The following SMARCAL1 variants were observed in gnomAD, a reference collection of about 807,000 sequenced individuals.
SMARCAL1 encodes SNF2 related chromatin remodeling annealing helicase 1, also known as ATP-driven annealing helicase.
SMARCAL1 carries 58 observed loss-of-function variants against 94.5 expected under a neutral mutation model. The ratio of observed to expected loss-of-function variants is 0.61; its 90% CI spans 0.50 to 0.76. The LOEUF (loss-of-function observed/expected upper bound fraction) is 0.76, where lower values mean the gene tolerates loss of function less well. Among genes scored for constraint, SMARCAL1 ranks in the 30% least tolerant of loss-of-function variants. SMARCAL1 has a pLI of 0.00. For synonymous variants in SMARCAL1, 422 were observed against 455.1 expected, an observed-to-expected ratio of 0.93 and a Z score of 0.93; for missense variants, 1,051 against 1,177.9, an observed-to-expected ratio of 0.89 and a Z score of 1.58.
chr2:216,453,033 G>A (rs567098471), intron 12 of SMARCAL1, among the ~76,000 whole-genome samples: 22 of 152,296 alleles, frequency 1.4e-4, no homozygotes, highest in African/African-American at 5.3e-4. Context: ...TTTGGTTGTG[G>A]AAAAGTACAT....
chr2:216,459,723 A>T (rs1212967412), intron 12 of SMARCAL1, among the ~76,000 whole-genome samples: 5 of 152,088 alleles, frequency 3.3e-5, no homozygotes, highest in Admixed American at 2.6e-4. Flanking sequence ...ACCTAAAACC[A>T]TAAAAACCCT....
At chr2:216,478,333 C>G (rs1393713605) in intron 17 of SMARCAL1, 34 bp downstream of exon 17, 6 of 1,503,760 alleles carry the variant, frequency 4.0e-6, no homozygotes, top group Non-Finnish European at 5.6e-6. Context: ...ACCCCTGGAG[C>G]AGAGGGAGGC....
At position 216,418,415 on chromosome 2, in the gene SMARCAL1, GATAA is replaced by G. The variant is rs1388862184; in HGVS notation, c.863-1882_863-1879del. On this transcript the variant is annotated intron_variant, in intron 4 of 17. Transcript: ENST00000357276. ...ACACACTTGAGCTTTTGCCTGCTGA[GATAA>G]ACCTTGAAATTCCTTGCCATAATTA... 2.6e-5 allele frequency among the ~76,000 whole-genome samples: 4 copies of G among 152,340 alleles called. No homozygotes were observed. The East Asian group carries it at 5.8e-4, about 22-fold the overall frequency.
In SMARCAL1 at chr2:216,450,949, C is replaced by T; in HGVS notation, c.1955C>T (p.Ser652Phe). Reference sequence around the variant, plus strand: ...CGGCGCCTCAAGTCCGACGTCCTTTCCCAGCTGCCTGCCAAGCAGCGCAAG... The same window carrying T: ...CGGCGCCTCAAGTCCGACGTCCTTTTCCAGCTGCCTGCCAAGCAGCGCAAG... ...MLRRLKSDVL[S>F]QLPAKQRKIV... The change falls in exon 12 of 18, where the codon TCC becomes TTC. Residue 652 changes from serine to phenylalanine, a missense_variant. Coordinates refer to ENST00000357276, the MANE Select transcript of SMARCAL1 (RefSeq NM_014140.4). The T allele has an allele frequency of 3.7e-6, 6 of 1,614,234 alleles. No homozygotes were observed. The East Asian group carries it at 1.1e-4, about 30-fold the overall frequency.
At chr2:216,439,406 C>T (rs954789940) in intron 10 of SMARCAL1, among the ~76,000 whole-genome samples, 1 of 151,946 alleles carries the variant, frequency 6.6e-6, no homozygotes, top group Non-Finnish European at 1.5e-5. Context: ...TCTCTTGTAA[C>T]AAGTTAGAAG....
At chr2:216,449,959 T>G (rs1312480301) in intron 11 of SMARCAL1, among the ~76,000 whole-genome samples, 2 of 152,050 alleles carry the variant, frequency 1.3e-5, no homozygotes, top group Non-Finnish European at 2.9e-5. Context: ...TGCCTCAGCC[T>G]CCCTAGTAGC....
At position 216,456,081 on chromosome 2, in the gene SMARCAL1, A is replaced by G. The variant is rs192591337; in HGVS notation, c.2070+5017A>G. ...TAAGCTTCAGTAGCCGATTTGATCA[A>G]CTGGAAGAAAGGGTATCAGTGATTG... On this transcript the variant is annotated intron_variant, in intron 12 of 17. Coordinates refer to ENST00000357276, the MANE Select transcript of SMARCAL1 (RefSeq NM_014140.4). Among the ~76,000 whole-genome samples the G allele has an allele frequency of 2.9e-3, 439 of 152,394 alleles. 6 individuals carry two copies. The highest frequency in any genetic ancestry group is 0.025 in the East Asian group (131 of 5,192).
At chr2:216,420,985 G>A (rs1016241994) in intron 5 of SMARCAL1, among the ~76,000 whole-genome samples, 2 of 152,212 alleles carry the variant, frequency 1.3e-5, no homozygotes, top group Non-Finnish European at 2.9e-5. Context: ...TGGAGTTTCT[G>A]ATTCTGGAAC....
intron 17 of SMARCAL1, among the ~76,000 whole-genome samples, chr2:216,481,194 ATTTAT>A (rs1695188942): frequency 6.6e-6 from 1 of 151,866 alleles, no homozygotes; most frequent in Non-Finnish European, 1.5e-5. Flanking sequence ...ATATTTATTT[ATTTAT>A]TTATTTATTT....
chr2:216,416,257 A>G lies in SMARCAL1; in HGVS notation c.812A>G (p.Asp271Gly). The G allele has an allele frequency of 6.2e-7, 1 of 1,613,566 alleles. No homozygotes were observed. The highest frequency in any genetic ancestry group is 8.5e-7 in the Non-Finnish European group (1 of 1,179,592). Residue 271 changes from aspartate to glycine, a missense_variant and splice_region_variant, in exon 4 of 18, where the codon GAT (aspartate) becomes GGT (glycine). By Grantham distance (94) the Asp-to-Gly change is moderately conservative (BLOSUM62 -1). Transcript: ENST00000357276. ...VFKTLPSKNY[D>G]PDTKTWNFSM... ...TCATCAGTCCTCTGTTTTGTTTCAG[A>G]TCCTGACACCAAGACGTGGAACTTC... is the stretch of plus-strand genomic sequence containing the variant.
rs1050649732 is a variant in SMARCAL1, at chr2:216,447,784, G to A, written c.1851+626G>A. ...CGCAGGCACCTCAGGACCTACAGTC[G>A]GCACTCCAGAAATGCTCTCCCAAAA... On this transcript the variant is annotated intron_variant, in intron 11 of 17. Coordinates refer to ENST00000357276, the MANE Select transcript of SMARCAL1 (RefSeq NM_014140.4). Among the ~76,000 whole-genome samples the A allele has an allele frequency of 6.6e-5, 10 of 152,198 alleles. No homozygotes were observed. In the East Asian group the frequency reaches 1.9e-3, roughly 29 times the overall value.
At chr2:216,426,988 T>C (rs527854390) in intron 6 of SMARCAL1, 1 of 152,342 alleles carries the variant, frequency 6.6e-6, no homozygotes, top group East Asian at 1.9e-4. Context: ...GCTTTCCTCC[T>C]CTCTCTTTTC....
chr2:216,438,956 T>C (rs897275144), intron 10 of SMARCAL1, among the ~76,000 whole-genome samples: 5 of 152,184 alleles, frequency 3.3e-5, no homozygotes, highest in African/African-American at 1.2e-4. Flanking sequence ...GCAATTACTT[T>C]TGCATCAACC....
chr2:216,455,724 G>A (rs1694550194), intron 12 of SMARCAL1, among the ~76,000 whole-genome samples: 1 of 152,116 alleles, frequency 6.6e-6, no homozygotes, highest in African/African-American at 2.4e-5. Context: ...AAAGAGCAAA[G>A]GTAGATAAAA....
intron 10 of SMARCAL1, among the ~76,000 whole-genome samples, chr2:216,446,408 A>G (rs1694315667): frequency 6.6e-6 from 1 of 152,240 alleles, no homozygotes; most frequent in Admixed American, 6.5e-5. Flanking sequence ...CTGAGTTAGT[A>G]AAGGCCTTAT....
chr2:216,465,594 T>C (rs183696333), intron 13 of SMARCAL1, among the ~76,000 whole-genome samples: 25 of 152,358 alleles, frequency 1.6e-4, no homozygotes, highest in African/African-American at 5.8e-4. Context: ...CATGACAAAA[T>C]CTCAATTGTA....
At chr2:216,466,486 C>G (rs891816844) in intron 13 of SMARCAL1, among the ~76,000 whole-genome samples, 10 of 152,172 alleles carry the variant, frequency 6.6e-5, no homozygotes, top group African/African-American at 2.2e-4. Context: ...GATTGTATGT[C>G]TTCAAAACCC....
chr2:216,423,037 C>G (rs1353308564), intron 5 of SMARCAL1, among the ~76,000 whole-genome samples: 1 of 152,126 alleles, frequency 6.6e-6, no homozygotes, highest in East Asian at 1.9e-4. Flanking sequence ...TAAACAGTAA[C>G]CTGTGAGGTA....
At position 216,420,310 on chromosome 2, in the gene SMARCAL1, C is replaced by G; in HGVS notation, c.874C>G (p.Gln292Glu). The change falls in exon 5 of 18, where the codon CAG (glutamine) becomes GAG (glutamate). Residue 292 changes from glutamine to glutamate, a missense_variant. Around this residue, in one of 3 missense-constraint regions of SMARCAL1, gnomAD observed 398 missense variants for 395.2 expected, o/e 1.01. Coordinates refer to ENST00000357276, the MANE Select transcript of SMARCAL1 (RefSeq NM_014140.4). ...NDYSALMKAAQSLPTVNLQPL... is the reference protein window; with the variant it reads ...NDYSALMKAAESLPTVNLQPL... ...TTCTTCTTTGGCAGTGAAAGCAGCC[C>G]AGAGCCTCCCCACGGTCAACCTGCA... 6.2e-7 allele frequency: 1 copy of G among 1,614,012 alleles called. No homozygotes were observed. Among genetic ancestry groups the G allele is most frequent in the Non-Finnish European group, 8.5e-7 (1 of 1,179,952 alleles).
Sources: allele counts gnomAD v4.1 joint callset (sites outside exome capture counted in the v4.1 genomes callset), GRCh38; gene constraint gnomAD v4.1.1; regional missense constraint gnomAD v4.1.1; transcripts MANE v1.5; gene names NCBI Gene and HGNC (gene_info 2026-07-23, HGNC 2026-07-21).